Variants in EIF4G3 observed in about 807,000 individuals in gnomAD.
The protein encoded by EIF4G3 is eIF-4-gamma 3.
EIF4G3 carries 34 observed loss-of-function variants against 186.4 expected under a neutral mutation model. The observed-to-expected ratio is 0.18, with a 90% CI of 0.14 to 0.24. The LOEUF is 0.24. Among genes scored for constraint, EIF4G3 ranks in the 10% least tolerant of loss-of-function variants. The pLI, the probability that EIF4G3 is intolerant of heterozygous loss-of-function variation, is 1.00. For synonymous variants in EIF4G3, 673 were observed against 679.5 expected (o/e 0.99, Z 0.15); for missense variants, 1,536 against 1,948.5 (o/e 0.79, Z 3.99).
chr1:20,992,523 T>G (rs1009460108), intron 7 of EIF4G3, among the ~76,000 whole-genome samples: 1 of 152,156 alleles, frequency 6.6e-6, no homozygotes, highest in Non-Finnish European at 1.5e-5. Context: ...GACATTTCTT[T>G]ATGGCACATA....
chr1:21,122,578 AC>A (rs1479012478), intron 2 of EIF4G3, among the ~76,000 whole-genome samples: 1 of 152,158 alleles, frequency 6.6e-6, no homozygotes, highest in East Asian at 1.9e-4. Context: ...GCTTTCACAC[AC>A]CTAGTGTTTT....
intron 3 of EIF4G3, among the ~76,000 whole-genome samples, chr1:21,067,735 G>T (rs896161620): frequency 6.6e-6 from 1 of 152,024 alleles, no homozygotes; most frequent in Non-Finnish European, 1.5e-5. Flanking sequence ...TAGGAATCAG[G>T]TTCAAAGTGC....
chr1:20,886,177 G>A (rs1258029856), intron 19 of EIF4G3, 24 bp downstream of exon 19: 1 of 1,589,698 alleles, frequency 6.3e-7, no homozygotes, highest in Non-Finnish European at 8.5e-7. Flanking sequence ...TCAAAAGAAT[G>A]TTAGGATATG....
chr1:21,012,707 G>A (rs551221955), intron 4 of EIF4G3, among the ~76,000 whole-genome samples: 8 of 152,140 alleles, frequency 5.3e-5, no homozygotes, highest in Non-Finnish European at 1.0e-4. Flanking sequence ...GGAAGATGGC[G>A]GATAGGAGAC....
chr1:20,812,866 G>C (rs2059538186), intron 35 of EIF4G3, among the ~76,000 whole-genome samples: 1 of 152,148 alleles, frequency 6.6e-6, no homozygotes, highest in Non-Finnish European at 1.5e-5. Flanking sequence ...AGGCGGCCCT[G>C]AATGTTAGAA....
intron 12 of EIF4G3, among the ~76,000 whole-genome samples, chr1:20,952,200 G>A (rs2096251034): frequency 1.4e-5 from 2 of 146,986 alleles, no homozygotes; most frequent in East Asian, 4.0e-4. Context: ...CTGTCACCAG[G>A]CAGGAGTGCA....
chr1:21,084,490 C>G (rs1572288902), intron 3 of EIF4G3, among the ~76,000 whole-genome samples: 1 of 152,130 alleles, frequency 6.6e-6, no homozygotes, highest in Non-Finnish European at 1.5e-5. Context: ...CACCTCCCAC[C>G]AGGTCCCTCC....
intron 2 of EIF4G3, among the ~76,000 whole-genome samples, chr1:21,102,756 T>A (rs1266965648): frequency 6.6e-6 from 1 of 152,214 alleles, no homozygotes; most frequent in African/African-American, 2.4e-5. Context: ...CAATTTCTGA[T>A]ATGCCAATAG....
intron 3 of EIF4G3, among the ~76,000 whole-genome samples, chr1:21,058,717 CTCTTTTTTTTTTTT>C (rs1419251123): frequency 6.7e-5 from 7 of 104,684 alleles, no homozygotes; most frequent in Non-Finnish European, 1.1e-4. Flanking sequence ...CTCTCTCTCT[CTCTTTTTTTTTTTT>C]TTTTTTTTTT....
At chr1:21,154,082 A>G (rs994870562) in intron 2 of EIF4G3, among the ~76,000 whole-genome samples, 4 of 152,214 alleles carry the variant, frequency 2.6e-5, no homozygotes, top group African/African-American at 9.6e-5. Context: ...CAGAATTAGT[A>G]TAAGTGCTTA....
chr1:20,944,556 G>A (rs77706767), intron 13 of EIF4G3, among the ~76,000 whole-genome samples: 4,393 of 151,512 alleles, frequency 0.029, 143 homozygotes, highest in East Asian at 0.14. Context: ...AAGGAGAGAG[G>A]GGGAGCGGGG....
chr1:20,883,161 C>A (rs901028905), intron 19 of EIF4G3, among the ~76,000 whole-genome samples: 1 of 151,220 alleles, frequency 6.6e-6, no homozygotes, highest in South Asian at 2.1e-4. Context: ...AAATGAAGCA[C>A]GAAACACAGT....
At chr1:20,877,882 C>T (rs1355491837) in intron 20 of EIF4G3, among the ~76,000 whole-genome samples, 2 of 152,122 alleles carry the variant, frequency 1.3e-5, no homozygotes, top group East Asian at 3.9e-4. Context: ...TCACTCTTGT[C>T]GCCCAGGCTG....
chr1:20,840,145 A>T (rs2320591), intron 30 of EIF4G3, among the ~76,000 whole-genome samples: 143,841 of 152,214 alleles, frequency 0.94, 68,468 homozygotes, highest in Middle Eastern at 1. Flanking sequence ...ACCAATGCAA[A>T]TTTCACTTTA....
intron 3 of EIF4G3, among the ~76,000 whole-genome samples, chr1:21,069,836 G>C (rs1323352261): frequency 1.3e-5 from 2 of 152,204 alleles, no homozygotes; most frequent in African/African-American, 4.8e-5. Flanking sequence ...CACTGACTGT[G>C]AGGTTTGTCG....
At chr1:21,114,824 G>A (rs1244181396) in intron 2 of EIF4G3, among the ~76,000 whole-genome samples, 1 of 152,074 alleles carries the variant, frequency 6.6e-6, no homozygotes, top group Non-Finnish European at 1.5e-5. Flanking sequence ...GTTATTATTA[G>A]CTCGGTTTGG....
intron 3 of EIF4G3, among the ~76,000 whole-genome samples, chr1:21,068,398 A>AAAC (rs1293913057): frequency 6.8e-6 from 1 of 147,312 alleles, no homozygotes; most frequent in Non-Finnish European, 1.5e-5. Context: ...AAAAAAAAAA[A>AAAC]AACAGAATAC....
intron 2 of EIF4G3, 162 bp downstream of exon 2, chr1:21,176,013 G>T: frequency 3.7e-6 from 1 of 268,944 alleles, no homozygotes; most frequent in Non-Finnish European, 6.9e-6. Context: ...GCTGCTGCCG[G>T]GGCACCCCAA....
intron 4 of EIF4G3, among the ~76,000 whole-genome samples, chr1:21,039,359 T>C (rs1037204781): frequency 1.3e-5 from 2 of 152,286 alleles, no homozygotes; most frequent in Admixed American, 6.5e-5. Context: ...AAATGAATCA[T>C]AGATCTAAAT....
Sources: allele counts gnomAD v4.1 joint callset (sites outside exome capture counted in the v4.1 genomes callset), GRCh38; gene constraint gnomAD v4.1.1; transcripts MANE v1.5; gene names NCBI Gene and HGNC (gene_info 2026-07-23, HGNC 2026-07-21).